N4BP2L2: variants seen among roughly 807,000 people sequenced by gnomAD.
The protein encoded by N4BP2L2 is NEDD4-binding protein 2-like 2.
In N4BP2L2, 50 loss-of-function variants were observed where a neutral mutation model predicts 56.2. The ratio of observed to expected loss-of-function variants is 0.89; its 90% CI spans 0.71 to 1.13. The LOEUF is 1.13. Among genes scored for constraint, N4BP2L2 ranks in the 50% most tolerant of loss-of-function variants. N4BP2L2 has a pLI of 0.00. For synonymous variants in N4BP2L2, 203 were observed against 223.6 expected, an observed-to-expected ratio of 0.91 and a Z score of 0.82; for missense variants, 689 against 693.8, an observed-to-expected ratio of 0.99 and a Z score of 0.08.
At chr13:32,495,607 A>G (rs1159324567) in intron 6 of N4BP2L2, among the ~76,000 whole-genome samples, 1 of 152,050 alleles carries the variant, frequency 6.6e-6, no homozygotes, top group Non-Finnish European at 1.5e-5. Flanking sequence ...CTGTTCTTTC[A>G]TGTCTCCTCT....
At chr13:32,488,523 C>T (rs762781362) in intron 6 of N4BP2L2, among the ~76,000 whole-genome samples, 3 of 152,150 alleles carry the variant, frequency 2.0e-5, no homozygotes, top group Non-Finnish European at 4.4e-5. Flanking sequence ...TGCACATGTA[C>T]TCCCTGTAAC....
intron 6 of N4BP2L2, among the ~76,000 whole-genome samples, chr13:32,470,105 C>T (rs1384881682): frequency 6.6e-6 from 1 of 152,140 alleles, no homozygotes; most frequent in Non-Finnish European, 1.5e-5. Flanking sequence ...TCTGCTTATG[C>T]ATTGTGTATC....
At chr13:32,493,659 C>G (rs995897219) in intron 6 of N4BP2L2, among the ~76,000 whole-genome samples, 16 of 152,000 alleles carry the variant, frequency 1.1e-4, no homozygotes, top group Non-Finnish European at 2.1e-4. Flanking sequence ...AATCAAGAGA[C>G]TAAAACAGTG....
chr13:32,502,352 C>T (rs1204017400), intron 6 of N4BP2L2, among the ~76,000 whole-genome samples: 1 of 152,120 alleles, frequency 6.6e-6, no homozygotes, highest in African/African-American at 2.4e-5. Context: ...GCTGGGATTA[C>T]AGGTGTGAGC....
intron 5 of N4BP2L2, 111 bp downstream of exon 5, chr13:32,521,262 A>T: frequency 1.2e-6 from 1 of 836,598 alleles, no homozygotes; most frequent in Non-Finnish European, 1.9e-6. Flanking sequence ...CTCACATTTT[A>T]CCCTCAGTTT....
intron 6 of N4BP2L2, among the ~76,000 whole-genome samples, chr13:32,449,342 T>C (rs2077514916): frequency 6.6e-6 from 1 of 152,178 alleles, no homozygotes; most frequent in Non-Finnish European, 1.5e-5. Flanking sequence ...TGGTTGAAAA[T>C]AATAAAGACC....
At chr13:32,533,162 C>G (rs2140294700) in intron 2 of N4BP2L2, among the ~76,000 whole-genome samples, 1 of 152,184 alleles carries the variant, frequency 6.6e-6, no homozygotes, top group African/African-American at 2.4e-5. Flanking sequence ...AGTTACATAC[C>G]AAACAAACTT....
chr13:32,443,330 T>C, exon 7 of N4BP2L2: 1 of 1,614,040 alleles, frequency 6.2e-7, no homozygotes, highest in South Asian at 1.1e-5. Flanking sequence ...GCTCTATCTT[T>C]CTTTGGTCTC....
chr13:32,517,007 C>T (rs2049377328), exon 6 of N4BP2L2: 3 of 969,846 alleles, frequency 3.1e-6, no homozygotes, highest in Non-Finnish European at 3.7e-6. Flanking sequence ...TTCTATAGTA[C>T]AAATCCTCTT....
chr13:32,536,494 T>C (rs748265689), exon 2 of N4BP2L2: 12 of 1,612,734 alleles, frequency 7.4e-6, no homozygotes, highest in Non-Finnish European at 1.0e-5. Context: ...GCTCTTCAAT[T>C]TCTTTGTAAA....
chr13:32,507,702 A>G (rs1206678297), downstream of N4BP2L2: 1 of 152,180 alleles, frequency 6.6e-6, no homozygotes, highest in Non-Finnish European at 1.5e-5. Flanking sequence ...AGAGGCCAGT[A>G]TAGATGGACT....
chr13:32,519,112 A>G (rs1308222525), intron 5 of N4BP2L2, among the ~76,000 whole-genome samples: 5 of 152,132 alleles, frequency 3.3e-5, no homozygotes, highest in African/African-American at 9.7e-5. Flanking sequence ...AAGATAGAAG[A>G]AAAAATGCGA....
rs2056494665 is a variant in N4BP2L2, at chr13:32,536,141, CCACTGAAT to C, written c.879_886del (p.Phe294SerfsTer14). The C allele has an allele frequency of 6.2e-7, 1 of 1,613,802 alleles. No individual in the cohort carries two copies. The highest frequency in any genetic ancestry group is 8.5e-7 in the Non-Finnish European group (1 of 1,179,974). On this transcript the variant is annotated frameshift_variant, in exon 2 of 6. Coordinates refer to ENST00000267068, the Ensembl canonical transcript of N4BP2L2. LOFTEE classifies it high-confidence loss of function. The stretch of plus-strand genomic sequence containing the variant: ...AATATTTGATGGTGGATTTGGTGGA[CCACTGAAT>C]CTCTGAATGTTTAAATGATAGTTCA...
At chr13:32,507,167 T>C (rs1288693530), downstream of N4BP2L2, 2 of 152,166 alleles carry the variant, frequency 1.3e-5, no homozygotes, top group Admixed American at 6.5e-5. Flanking sequence ...CTCAACTTTC[T>C]AGCTTACAGA....
At chr13:32,503,987 G>C (rs2090481275) in intron 6 of N4BP2L2, among the ~76,000 whole-genome samples, 1 of 152,082 alleles carries the variant, frequency 6.6e-6, no homozygotes, top group African/African-American at 2.4e-5. Context: ...CTGGGTGAAA[G>C]AAAAAGACTC....
intron 6 of N4BP2L2, chr13:32,478,241 A>C: frequency 2.9e-6 from 1 of 346,114 alleles, no homozygotes; most frequent in South Asian, 2.7e-5. Flanking sequence ...TGCAGGTGTA[A>C]TTTACGGTCA....
intron 6 of N4BP2L2, among the ~76,000 whole-genome samples, chr13:32,459,596 A>G (rs1398422713): frequency 1.3e-5 from 2 of 152,120 alleles, no homozygotes; most frequent in Non-Finnish European, 2.9e-5. Flanking sequence ...AAAAAACCTG[A>G]ACAGACCAAT....
intron 1 of N4BP2L2, among the ~76,000 whole-genome samples, chr13:32,537,740 G>A (rs2056907019): frequency 6.6e-6 from 1 of 152,134 alleles, no homozygotes; most frequent in Admixed American, 6.5e-5. Context: ...AGTTCAAAGC[G>A]TTCATCTTTT....
chr13:32,443,021 G>A (rs17077569), exon 7 of N4BP2L2: 81 of 1,612,586 alleles, frequency 5.0e-5, no homozygotes, highest in Admixed American at 1.0e-4. Context: ...ACACCGATAC[G>A]ACTCTGTCCT....
Sources: allele counts gnomAD v4.1 joint callset (sites outside exome capture counted in the v4.1 genomes callset), GRCh38; gene constraint gnomAD v4.1.1; transcripts MANE v1.5; gene names NCBI Gene and HGNC (gene_info 2026-07-23, HGNC 2026-07-21).